The following DAAM1 variants were observed in gnomAD, a reference collection of about 807,000 sequenced individuals.
DAAM1 encodes disheveled-associated activator of morphogenesis 1.
In DAAM1, 52 loss-of-function variants were observed where a neutral mutation model predicts 130.0. The observed-to-expected ratio is 0.40, with a 90% CI of 0.32 to 0.50. The LOEUF is 0.50. Among genes scored for constraint, DAAM1 ranks in the 20% least tolerant of loss-of-function variants. DAAM1 has a pLI of 0.61. For missense variants in DAAM1, 1,134 were observed against 1,303.8 expected (o/e 0.87, Z 2.01); for synonymous variants, 452 against 444.5 (o/e 1.02, Z -0.21).
chr14:59,245,506 T>G (rs553572344), intron 1 of DAAM1, among the ~76,000 whole-genome samples: 8 of 152,174 alleles, frequency 5.3e-5, no homozygotes, highest in Non-Finnish European at 1.0e-4. Context: ...AATTAGACAC[T>G]TTTAGTCTTT....
At chr14:59,295,899 A>G (rs1026078796) in intron 3 of DAAM1, among the ~76,000 whole-genome samples, 13 of 152,206 alleles carry the variant, frequency 8.5e-5, no homozygotes, top group Admixed American at 8.5e-4. Flanking sequence ...ATATACAGTA[A>G]AGTGAGCATT....
intron 1 of DAAM1, among the ~76,000 whole-genome samples, chr14:59,232,771 G>T (rs976704161): frequency 6.6e-6 from 1 of 151,768 alleles, no homozygotes; most frequent in East Asian, 1.9e-4. Flanking sequence ...ACTAGTGTTT[G>T]TCCAAATGCT....
chr14:59,316,859 C>A (rs1051163698), intron 4 of DAAM1, among the ~76,000 whole-genome samples: 1 of 152,062 alleles, frequency 6.6e-6, no homozygotes, highest in African/African-American at 2.4e-5. Context: ...TAATGAATTC[C>A]CTTCTATAAA....
intron 1 of DAAM1, among the ~76,000 whole-genome samples, chr14:59,242,758 C>A (rs1881186850): frequency 6.6e-6 from 1 of 152,154 alleles, no homozygotes; most frequent in South Asian, 2.1e-4. Context: ...CAGGGTTTCA[C>A]CGTGTTAGCC....
At chr14:59,232,994 T>G (rs1889160774) in intron 1 of DAAM1, among the ~76,000 whole-genome samples, 1 of 152,226 alleles carries the variant, frequency 6.6e-6, no homozygotes, top group Non-Finnish European at 1.5e-5. Context: ...CTGCATAGTA[T>G]TCCATGGTGT....
intron 1 of DAAM1, among the ~76,000 whole-genome samples, chr14:59,207,605 CTA>C (rs1370622672): frequency 6.6e-6 from 1 of 152,208 alleles, no homozygotes; most frequent in African/African-American, 2.4e-5. Flanking sequence ...AAATTCTACT[CTA>C]TGCTTGTTGA....
At chr14:59,281,760 CAGTG>C (rs1318203378) in intron 2 of DAAM1, among the ~76,000 whole-genome samples, 7 of 152,054 alleles carry the variant, frequency 4.6e-5, no homozygotes, top group African/African-American at 1.7e-4. Context: ...ATGGGTAGGA[CAGTG>C]AGTAAGTGTT....
At chr14:59,350,765 G>C (rs4901918) in intron 17 of DAAM1, among the ~76,000 whole-genome samples, 4 of 151,916 alleles carry the variant, frequency 2.6e-5, no homozygotes, top group African/African-American at 7.3e-5. Flanking sequence ...AGCCACGCAG[G>C]CCTCTCTGGC....
At chr14:59,270,867 G>A (rs1419037592) in intron 2 of DAAM1, among the ~76,000 whole-genome samples, 2 of 152,072 alleles carry the variant, frequency 1.3e-5, no homozygotes, top group Non-Finnish European at 2.9e-5. Flanking sequence ...ATGTGCAACT[G>A]CTTTTCCTGT....
At chr14:59,304,949 A>G (rs1884317024) in intron 3 of DAAM1, among the ~76,000 whole-genome samples, 1 of 152,184 alleles carries the variant, frequency 6.6e-6, no homozygotes, top group African/African-American at 2.4e-5. Flanking sequence ...TAAACATTAT[A>G]TTGCAAATCA....
intron 3 of DAAM1, among the ~76,000 whole-genome samples, chr14:59,296,738 A>G (rs931764542): frequency 6.6e-5 from 10 of 152,150 alleles, no homozygotes; most frequent in Admixed American, 1.3e-4. Flanking sequence ...TCCTTTTTCA[A>G]CATTTGAGCT....
chr14:59,334,253 T>G (rs1397645185), intron 15 of DAAM1, among the ~76,000 whole-genome samples: 1 of 152,212 alleles, frequency 6.6e-6, no homozygotes, highest in African/African-American at 2.4e-5. Flanking sequence ...AGTTGGAATA[T>G]ATAGGACACA....
chr14:59,359,619 T>G, intron 21 of DAAM1, 115 bp downstream of exon 21: 1 of 709,722 alleles, frequency 1.4e-6, no homozygotes, highest in South Asian at 2.0e-5. Flanking sequence ...CTGATCATTG[T>G]ATGAAATAAA....
chr14:59,298,943 G>A (rs888196787), intron 3 of DAAM1, among the ~76,000 whole-genome samples: 18 of 152,124 alleles, frequency 1.2e-4, no homozygotes, highest in African/African-American at 3.9e-4. Flanking sequence ...TCTCCTTAAC[G>A]AGGCAGCAGT....
intron 5 of DAAM1, among the ~76,000 whole-genome samples, chr14:59,321,883 C>G (rs978826213): frequency 1.3e-5 from 2 of 152,182 alleles, no homozygotes; most frequent in African/African-American, 4.8e-5. Context: ...GAAAATTTAT[C>G]ACATAAACAG....
chr14:59,364,987 TC>T (rs1244231455), intron 23 of DAAM1, among the ~76,000 whole-genome samples: 3 of 152,126 alleles, frequency 2.0e-5, no homozygotes, highest in African/African-American at 7.2e-5. Flanking sequence ...AGGAAGAGAC[TC>T]CCCCTGTTCT....
chr14:59,342,828 C>CTGTT (rs1253536341), intron 16 of DAAM1, among the ~76,000 whole-genome samples: 10 of 152,138 alleles, frequency 6.6e-5, no homozygotes, highest in Admixed American at 4.6e-4. Context: ...AAGGCAAAGA[C>CTGTT]TGTTATATGA....
chr14:59,305,782 T>TCTTTTCTTG (rs1165391865), intron 3 of DAAM1, among the ~76,000 whole-genome samples: 1 of 152,232 alleles, frequency 6.6e-6, no homozygotes, highest in African/African-American at 2.4e-5. Context: ...AAAGTGGCAC[T>TCTTTTCTTG]CTTTTCTTGC....
At chr14:59,355,023 C>G in intron 19 of DAAM1, 142 bp from the exon 20 acceptor site, 1 of 1,144,926 alleles carries the variant, frequency 8.7e-7, no homozygotes, top group Non-Finnish European at 1.2e-6. Flanking sequence ...TTTGAAAGTG[C>G]TCTTGGTAAC....
Sources: gnomAD v4.1 joint callset for allele counts (sites outside exome capture counted in the v4.1 genomes callset) on GRCh38, gnomAD v4.1.1 for gene constraint, MANE v1.5 for transcripts, NCBI Gene and HGNC (gene_info 2026-07-23, HGNC 2026-07-21) for gene names.